Variants in RANGRF observed in about 807,000 individuals in gnomAD.
RANGRF encodes RAN guanine nucleotide release factor, also known as MOG1 homolog.
A neutral mutation model predicts 21.8 loss-of-function variants in RANGRF; 17 were observed. That is an observed-to-expected ratio of 0.78 (90% CI 0.53 to 1.17). The LOEUF (loss-of-function observed/expected upper bound fraction) is 1.17, where lower values mean the gene tolerates loss of function less well. RANGRF is among the 50% of genes most tolerant of loss of function. The probability of loss-of-function intolerance (pLI) is 0.00; values close to 1 mark genes in which losing one functional copy is unlikely to be tolerated. For missense variants in RANGRF, 225 were observed against 235.5 expected (o/e 0.96, Z 0.29); for synonymous variants, 97 against 94.3 (o/e 1.03, Z -0.17).
rs1990256573 is a variant in RANGRF, at chr17:8,288,984, G to T, written c.106G>T (p.Glu36Ter). ...CCTCCGACCGGTCCCGGACAATCAA[G>T]AAGTTTTCTGCCATCCCGTGACGGA... ...SDLRPVPDNQ[E>*]VFCHPVTDQS... The change falls in exon 2 of 5, where the codon GAA (glutamate) becomes TAA (stop). Residue 36 changes from glutamate (E) to a stop codon, truncating the protein, a stop_gained. Transcript: ENST00000226105. LOFTEE classifies it high-confidence loss of function. 6.2e-7 allele frequency: 1 copy of T among 1,614,174 alleles called. No homozygotes were observed. The highest frequency in any genetic ancestry group is 8.5e-7 in the Non-Finnish European group (1 of 1,180,048).
chr17:8,288,687 C>T lies in RANGRF; in HGVS notation c.-102C>T, dbSNP rs1305545458. Reference sequence around the variant, plus strand: ...AAGGATCCGGGAGCTAAGCCAGACCCGGGTGGCGGTGGCAGCTGCGAAACC... The same window carrying T: ...AAGGATCCGGGAGCTAAGCCAGACCTGGGTGGCGGTGGCAGCTGCGAAACC... On this transcript the variant is annotated 5_prime_UTR_variant, in exon 1 of 5. Transcript: ENST00000226105. 30 of 1,324,676 alleles carry T rather than the reference C, an allele frequency of 2.3e-5. No individual in the cohort carries two copies. Among genetic ancestry groups the T allele is most frequent in the Non-Finnish European group, 3.0e-5 (28 of 920,188 alleles). 82.1% of individuals were successfully genotyped at this position (1,324,676 alleles called of 1,614,324 possible). A position where few individuals can be genotyped will look rare whatever the true frequency, so the allele number is the denominator to read the frequency against.
Position 8,290,086 on chromosome 17 carries a change from A to G in RANGRF, c.*150A>G. On this transcript the variant is annotated 3_prime_UTR_variant, in exon 5 of 5. Transcript: ENST00000226105. ...TTCAGAATAAACTTGCTTTATAATC[A>G]ATATAATCTCTGTGCCTTTGAATCT... 2.6e-6 allele frequency: 4 copies of G among 1,531,728 alleles called. No individual in the cohort carries two copies. Among genetic ancestry groups the G allele is most frequent in the Non-Finnish European group, 3.5e-6 (4 of 1,139,578 alleles). The allele number at this position is 1,531,728 out of a possible 1,614,324, so 94.9% of individuals were successfully genotyped here. A position where few individuals can be genotyped will look rare whatever the true frequency, so the allele number is the denominator to read the frequency against.
chr17:8,288,889 G>A (rs1263348723), intron 1 of RANGRF, 24 bp downstream of exon 1: 1 of 1,614,046 alleles, frequency 6.2e-7, no homozygotes, highest in African/African-American at 1.3e-5. Context: ...GGCGCCCAGG[G>A]GCGGCTGACT....
At position 8,289,534 on chromosome 17, in the gene RANGRF, T is replaced by TGCTGAG. The variant is rs1567657179; in HGVS notation, c.388_393dup (p.Arg130_Leu131dup). On this transcript the variant is annotated inframe_insertion, in exon 4 of 5. Coordinates refer to ENST00000226105, the MANE Select transcript of RANGRF (RefSeq NM_016492.5). Reference sequence around the variant, plus strand: ...AAGGACGTGACACTTCATCAGGCCTTGCTGAGGCTGCCCCAGTACCAGACT... The same window carrying TGCTGAG: ...AAGGACGTGACACTTCATCAGGCCTTGCTGAGGCTGAGGCTGCCCCAGTACCAGACT... 1 of 1,614,180 alleles carries TGCTGAG rather than the reference T, an allele frequency of 6.2e-7. No homozygotes were observed. Among genetic ancestry groups the TGCTGAG allele is most frequent in the Non-Finnish European group, 8.5e-7 (1 of 1,180,036 alleles).
At chr17:8,289,737 T>A (rs1479287179) in intron 4 of RANGRF, 76 bp from the exon 5 acceptor site, 57 of 1,613,840 alleles carry the variant, frequency 3.5e-5, no homozygotes, top group Non-Finnish European at 1.4e-5. Context: ...CCAGGTCCTC[T>A]GGGGAACAGG....
At position 8,288,729 on chromosome 17, in the gene RANGRF, C is replaced by T; in HGVS notation, c.-60C>T. On this transcript the variant is annotated 5_prime_UTR_variant, in exon 1 of 5. In the 5' UTR this introduces an upstream ATG that the reference lacks. Coordinates refer to ENST00000226105, the MANE Select transcript of RANGRF (RefSeq NM_016492.5). Reference sequence around the variant, plus strand: ...TGCGAAACCCAGGGAGCCGATGCCACGTGACCCAATGTGGACTTCTTTTAA... The same window carrying T: ...TGCGAAACCCAGGGAGCCGATGCCATGTGACCCAATGTGGACTTCTTTTAA... 2 of 1,584,108 alleles carry T rather than the reference C, an allele frequency of 1.3e-6. No individual in the cohort carries two copies. The highest frequency in any genetic ancestry group is 1.7e-5 in the Admixed American group (1 of 59,984).
Position 8,289,957 on chromosome 17 carries a change from A to G in RANGRF, c.*21A>G, listed in dbSNP as rs1321426762. On this transcript the variant is annotated 3_prime_UTR_variant, in exon 5 of 5. Coordinates refer to ENST00000226105, the MANE Select transcript of RANGRF (RefSeq NM_016492.5). ...AGTAAAGGCGCTGAAGCACTGCATG[A>G]TGTTGCTGAGAACTTGGGGACTCGG... 1 of 1,613,982 alleles carries G rather than the reference A, an allele frequency of 6.2e-7. No homozygotes were observed.
rs1277691108 is a variant in RANGRF at position 8,289,861 on chromosome 17, C to T, written c.486C>T (p.Pro162=). 2 of 1,614,158 alleles carry T rather than the reference C, an allele frequency of 1.2e-6. No individual in the cohort carries two copies. Among genetic ancestry groups the T allele is most frequent in the Admixed American group, 3.3e-5 (2 of 60,012 alleles). The change falls in exon 5 of 5, where the codon CCC becomes CCT. Residue 162 remains proline (P), a synonymous_variant. Transcript: ENST00000226105. The stretch of plus-strand genomic sequence containing the variant: ...GCCCCGAAAATCTGTCACCTGCACC[C>T]TGGAGCCTGGGTGACTTTGAACAGC... ...SLGPENLSPA[P]WSLGDFEQLV...
In RANGRF at chr17:8,289,511, G is replaced by C; in HGVS notation, c.360G>C (p.Lys120Asn). Reference protein sequence around the residue: ...QIAKENQQVAKDVTLHQALLR... With the variant: ...QIAKENQQVANDVTLHQALLR... ...GACTCTGATCCCCTTAGGTAGCAAA[G>C]GACGTGACACTTCATCAGGCCTTGC... The change falls in exon 4 of 5, where the codon AAG (lysine) becomes AAC (asparagine). Residue 120 changes from lysine (K) to asparagine (N), a missense_variant. Physicochemically the swap from Lys to Asn is moderately conservative, Grantham distance 94. Transcript: ENST00000226105. 6.2e-7 allele frequency: 1 copy of C among 1,614,194 alleles called. No homozygotes were observed. Among genetic ancestry groups the C allele is most frequent in the Non-Finnish European group, 8.5e-7 (1 of 1,180,050 alleles).
Position 8,289,978 on chromosome 17 carries a change from C to T in RANGRF, c.*42C>T. 1 of 1,612,908 alleles carries T rather than the reference C, an allele frequency of 6.2e-7. No homozygotes were observed. Among genetic ancestry groups the T allele is most frequent in the Non-Finnish European group, 8.5e-7 (1 of 1,178,960 alleles). ...CATGATGTTGCTGAGAACTTGGGGA[C>T]TCGGTTCTGTGAGGGGGAAAAGAGG... On this transcript the variant is annotated 3_prime_UTR_variant, in exon 5 of 5. Coordinates refer to ENST00000226105, the MANE Select transcript of RANGRF (RefSeq NM_016492.5).
Position 8,289,550 on chromosome 17 carries a change from G to A in RANGRF, c.399G>A (p.Gln133=), listed in dbSNP as rs1990313388. The change falls in exon 4 of 5, where the codon CAG becomes CAA. Residue 133 remains glutamine, a synonymous_variant. Coordinates refer to ENST00000226105, the MANE Select transcript of RANGRF (RefSeq NM_016492.5). ...ATCAGGCCTTGCTGAGGCTGCCCCA[G>A]TACCAGACTGATCTCTTGCTTACCT... ...TLHQALLRLP[Q]YQTDLLLTFN... 3 of 1,614,066 alleles carry A rather than the reference G, an allele frequency of 1.9e-6. No homozygotes were observed. The highest frequency in any genetic ancestry group is 2.5e-6 in the Non-Finnish European group (3 of 1,179,958).
In RANGRF at chr17:8,289,293, C is replaced by T. The variant is rs1567656720; in HGVS notation, c.230C>T (p.Ala77Val). The change falls in exon 3 of 5, where the codon GCT becomes GTT. Residue 77 changes from alanine to valine, a missense_variant. Physicochemically the swap from Ala to Val is moderately conservative, Grantham distance 64. Transcript: ENST00000226105. ...GAGGATGTTGGTGGCGTGCAGGGGG[C>T]TAGGGCTGTCCATGTGGAGTCTGTT... is the stretch of plus-strand genomic sequence containing the variant. ...HFEDVGGVQG[A>V]RAVHVESVQP... 6.2e-7 allele frequency: 1 copy of T among 1,613,984 alleles called. No homozygotes were observed.
At position 8,289,952 on chromosome 17, in the gene RANGRF, G is replaced by A. The variant is rs138188491; in HGVS notation, c.*16G>A. On this transcript the variant is annotated 3_prime_UTR_variant, in exon 5 of 5. Transcript: ENST00000226105. ...TCCCCAGTAAAGGCGCTGAAGCACTGCATGATGTTGCTGAGAACTTGGGGA... is the reference window on the plus strand; with the variant it reads ...TCCCCAGTAAAGGCGCTGAAGCACTACATGATGTTGCTGAGAACTTGGGGA... The A allele has an allele frequency of 6.2e-7, 1 of 1,613,972 alleles. No individual in the cohort carries two copies. The highest frequency in any genetic ancestry group is 1.7e-5 in the Admixed American group (1 of 59,984).
Position 8,289,588 on chromosome 17 carries a change from C to G in RANGRF, c.437C>G (p.Pro146Arg). The G allele has an allele frequency of 6.2e-7, 1 of 1,611,812 alleles. No homozygotes were observed. Among genetic ancestry groups the G allele is most frequent in the African/African-American group, 1.3e-5 (1 of 74,982 alleles). The part of the protein sequence containing the change: ...TDLLLTFNQP[P>R]PDNRSSLGPE... The stretch of plus-strand genomic sequence containing the variant: ...CTCTTGCTTACCTTCAATCAGCCCC[C>G]GTAAGGAGGAAGGAACGGGCGGGTA... The change falls in exon 4 of 5, where the codon CCC becomes CGC. Residue 146 changes from proline to arginine, a missense_variant and splice_region_variant. Coordinates refer to ENST00000226105, the MANE Select transcript of RANGRF (RefSeq NM_016492.5).
chr17:8,288,671 G>A lies in RANGRF; in HGVS notation c.-118G>A. 5 of 1,169,994 alleles carry A rather than the reference G, an allele frequency of 4.3e-6. No homozygotes were observed. The highest frequency in any genetic ancestry group is 6.4e-6 in the Non-Finnish European group (5 of 784,052). 72.5% of individuals were successfully genotyped at this position (1,169,994 alleles called of 1,614,324 possible). A position where few individuals can be genotyped will look rare whatever the true frequency, so the allele number is the denominator to read the frequency against. ...GCGGAGCCAAATCTTAAAGGATCCG[G>A]GAGCTAAGCCAGACCCGGGTGGCGG... On this transcript the variant is annotated 5_prime_UTR_variant, in exon 1 of 5. Coordinates refer to ENST00000226105, the MANE Select transcript of RANGRF (RefSeq NM_016492.5).
chr17:8,289,527 C>G lies in RANGRF; in HGVS notation c.376C>G (p.Gln126Glu), dbSNP rs776255278. The G allele has an allele frequency of 1.2e-6, 2 of 1,614,190 alleles. No individual in the cohort carries two copies. Among genetic ancestry groups the G allele is most frequent in the East Asian group, 2.2e-5 (1 of 44,868 alleles). Residue 126 changes from glutamine (Q) to glutamate (E), a missense_variant, in exon 4 of 5, where the codon CAG becomes GAG. By Grantham distance (29) the Gln-to-Glu change is conservative. Coordinates refer to ENST00000226105, the MANE Select transcript of RANGRF (RefSeq NM_016492.5). ...QQVAKDVTLHQALLRLPQYQT... is the reference protein window; with the variant it reads ...QQVAKDVTLHEALLRLPQYQT... ...GGTAGCAAAGGACGTGACACTTCAT[C>G]AGGCCTTGCTGAGGCTGCCCCAGTA...
chr17:8,289,548 C>T lies in RANGRF; in HGVS notation c.397C>T (p.Gln133Ter). The T allele has an allele frequency of 1.2e-6, 2 of 1,614,050 alleles. No individual in the cohort carries two copies. ...TLHQALLRLP[Q>*]YQTDLLLTFN... ...TCATCAGGCCTTGCTGAGGCTGCCCCAGTACCAGACTGATCTCTTGCTTAC... is the reference window on the plus strand; with the variant it reads ...TCATCAGGCCTTGCTGAGGCTGCCCTAGTACCAGACTGATCTCTTGCTTAC... The change falls in exon 4 of 5, where the codon CAG becomes TAG. Residue 133 changes from glutamine to a stop codon, truncating the protein, a stop_gained. Coordinates refer to ENST00000226105, the MANE Select transcript of RANGRF (RefSeq NM_016492.5). LOFTEE classifies it high-confidence loss of function.
At chr17:8,289,201 A>G in intron 2 of RANGRF, 57 bp from the exon 3 acceptor site, 1 of 1,605,822 alleles carries the variant, frequency 6.2e-7, no homozygotes, top group Non-Finnish European at 8.5e-7. Flanking sequence ...CAACTTAAAG[A>G]TGCTCCCGGG....
Position 8,288,825 on chromosome 17 carries a change from G to A in RANGRF, c.37G>A (p.Ala13Thr), listed in dbSNP as rs1368882746. ...PTRDCPLFGGAFSAILPMGAI... is the reference protein window; with the variant it reads ...PTRDCPLFGGTFSAILPMGAI... ...GAGAGACTGCCCGCTGTTCGGGGGC[G>A]CCTTTTCCGCCATCCTCCCCATGGG... Residue 13 changes from alanine (A) to threonine (T), a missense_variant, in exon 1 of 5, where the codon GCC becomes ACC. Physicochemically the swap from Ala to Thr is moderately conservative, Grantham distance 58. Transcript: ENST00000226105. 1 of 1,614,070 alleles carries A rather than the reference G, an allele frequency of 6.2e-7. No homozygotes were observed. Among genetic ancestry groups the A allele is most frequent in the African/African-American group, 1.3e-5 (1 of 74,944 alleles).
Sources: gnomAD v4.1 joint callset for allele counts on GRCh38, gnomAD v4.1.1 for gene constraint, MANE v1.5 for transcripts, NCBI Gene and HGNC (gene_info 2026-07-23, HGNC 2026-07-21) for gene names.